Variants in CCDC13 observed in about 807,000 individuals in gnomAD.
CCDC13 encodes coiled-coil domain containing 13.
In CCDC13, 70 loss-of-function variants were observed where a neutral mutation model predicts 87.3. The observed-to-expected ratio is 0.80, with a 90% CI of 0.66 to 0.98. CCDC13 has a LOEUF of 0.98. CCDC13 is among the 50% of genes least tolerant of loss of function. The probability of loss-of-function intolerance (pLI) is 0.00; values close to 1 mark genes in which losing one functional copy is unlikely to be tolerated. For synonymous variants in CCDC13, 317 were observed against 360.3 expected (o/e 0.88, Z 1.36); for missense variants, 842 against 892.0 (o/e 0.94, Z 0.71).
chr3:42,707,752 G>A lies in CCDC13; in HGVS notation c.*1228C>T, dbSNP rs1698210527. On this transcript the variant is annotated 3_prime_UTR_variant, in exon 16 of 16. Coordinates refer to ENST00000310232, the MANE Select transcript of CCDC13 (RefSeq NM_144719.4). Reference sequence around the variant, plus strand: ...TGTCCATGAGTGTGCACACATGGAGGTGCCTGTGTGCACGTACAGTTGCAT... The same window carrying A: ...TGTCCATGAGTGTGCACACATGGAGATGCCTGTGTGCACGTACAGTTGCAT... Among the ~76,000 whole-genome samples the A allele has an allele frequency of 6.6e-6, 1 of 152,208 alleles. No individual in the cohort carries two copies. Among genetic ancestry groups the A allele is most frequent in the Admixed American group, 6.5e-5 (1 of 15,286 alleles).
rs1369146873 is a variant in CCDC13 at position 42,706,501 on chromosome 3, G to A, written c.*2479C>T. 6.6e-6 allele frequency: 1 copy of A among 152,292 alleles called. No homozygotes were observed. The highest frequency in any genetic ancestry group is 1.5e-5 in the Non-Finnish European group (1 of 68,062). 9.4% of individuals were successfully genotyped at this position (152,292 alleles called of 1,614,324 possible). A position where few individuals can be genotyped will look rare whatever the true frequency, so the allele number is the denominator to read the frequency against. On this transcript the variant is annotated 3_prime_UTR_variant, in exon 16 of 16. Coordinates refer to ENST00000310232, the MANE Select transcript of CCDC13 (RefSeq NM_144719.4). Reference sequence around the variant, plus strand: ...AGGGGTGGGGAGGTGCCCGGTGGTAGGTGCCAGCAGACATGACAGGCACTC... The same window carrying A: ...AGGGGTGGGGAGGTGCCCGGTGGTAAGTGCCAGCAGACATGACAGGCACTC...
At chr3:42,729,810 G>A (rs867519851) in intron 13 of CCDC13, among the ~76,000 whole-genome samples, 2 of 152,374 alleles carry the variant, frequency 1.3e-5, no homozygotes, top group Middle Eastern at 6.8e-3. Flanking sequence ...AGCCTTGACT[G>A]ATACATGATA....
chr3:42,742,778 T>C lies in CCDC13; in HGVS notation c.987+118A>G. 2.3e-6 allele frequency: 3 copies of C among 1,294,730 alleles called. No homozygotes were observed. The Admixed American group carries it at 6.2e-5, about 27-fold the overall frequency. The allele number at this position is 1,294,730 out of a possible 1,614,324, so 80.2% of individuals were successfully genotyped here. ...CAGAGGTGACCCAGGTCCCCAGGTG[T>C]CTCCTGCCTAGAAGGGGTGGCTCAG... On this transcript the variant is annotated intron_variant, in intron 8 of 15. Transcript: ENST00000310232.
chr3:42,742,812 C>G, intron 8 of CCDC13, 84 bp downstream of exon 8: 1 of 1,538,624 alleles, frequency 6.5e-7, no homozygotes, highest in Non-Finnish European at 8.9e-7. Flanking sequence ...AGACTTCTGA[C>G]CACATGTGCC....
intron 13 of CCDC13, among the ~76,000 whole-genome samples, chr3:42,717,010 C>T (rs1338242506): frequency 6.6e-6 from 1 of 152,220 alleles, no homozygotes; most frequent in Non-Finnish European, 1.5e-5. Flanking sequence ...GAAGTTCTGA[C>T]ATATGCTACC....
chr3:42,712,053 C>T (rs982990152), intron 14 of CCDC13, among the ~76,000 whole-genome samples: 1 of 152,166 alleles, frequency 6.6e-6, no homozygotes, highest in Non-Finnish European at 1.5e-5. Flanking sequence ...TTCTCAGAAG[C>T]TCCTGGCCCT....
Position 42,735,704 on chromosome 3 carries a change from C to G in CCDC13, c.1371+3G>C. On this transcript the variant is annotated splice_donor_region_variant and intron_variant, in intron 10 of 15. Coordinates refer to ENST00000310232, the MANE Select transcript of CCDC13 (RefSeq NM_144719.4). ...GTTTGGGCGCTGCCAGTGCCCTACT[C>G]ACGTGCACATTGAGTTGTCCGATCT... The G allele has an allele frequency of 1.2e-6, 2 of 1,614,014 alleles. No individual in the cohort carries two copies. Among genetic ancestry groups the G allele is most frequent in the East Asian group, 4.5e-5 (2 of 44,874 alleles).
chr3:42,717,196 C>T (rs531981156), intron 13 of CCDC13, among the ~76,000 whole-genome samples: 4 of 152,032 alleles, frequency 2.6e-5, no homozygotes, highest in Non-Finnish European at 4.4e-5. Flanking sequence ...GAGGCTGAAG[C>T]GGGTGGATCA....
intron 2 of CCDC13, among the ~76,000 whole-genome samples, chr3:42,757,503 C>T (rs1390052779): frequency 6.6e-6 from 1 of 152,168 alleles, no homozygotes; most frequent in African/African-American, 2.4e-5. Context: ...GAAGCCAAGG[C>T]AGGAGTTTGT....
At position 42,739,636 on chromosome 3, in the gene CCDC13, T is replaced by C. The variant is rs527761651; in HGVS notation, c.1162A>G (p.Met388Val). Reference sequence around the variant, plus strand: ...CTGCCTGAGTGGTGGGGCCATACCATGAGGGCGTCGATGAGCTCGTCATCA... The same window carrying C: ...CTGCCTGAGTGGTGGGGCCATACCACGAGGGCGTCGATGAGCTCGTCATCA... ...RHDDELIDAL[M>V]DQLKQLQEIL... Residue 388 changes from methionine to valine, a missense_variant and splice_region_variant, in exon 9 of 16, where the codon ATG becomes GTG. Transcript: ENST00000310232. 3 of 1,613,610 alleles carry C rather than the reference T, an allele frequency of 1.9e-6. No homozygotes were observed. The Admixed American group carries it at 5.0e-5, about 27-fold the overall frequency.
At chr3:42,733,880 G>A (rs1425739452) in intron 10 of CCDC13, among the ~76,000 whole-genome samples, 1 of 152,218 alleles carries the variant, frequency 6.6e-6, no homozygotes, top group Non-Finnish European at 1.5e-5. Context: ...GGAGGTGCAC[G>A]GCCCTGCATG....
At chr3:42,718,168 A>G (rs781734006) in intron 13 of CCDC13, 4 of 152,202 alleles carry the variant, frequency 2.6e-5, no homozygotes, top group African/African-American at 4.8e-5. Flanking sequence ...GGAGGTCAGC[A>G]CAAGATACAG....
intron 14 of CCDC13, among the ~76,000 whole-genome samples, chr3:42,710,780 G>A (rs555343740): frequency 5.3e-5 from 8 of 152,160 alleles, no homozygotes; most frequent in Admixed American, 4.6e-4. Context: ...CCTCTACAGG[G>A]GCTGGACTGA....
chr3:42,772,285 A>T lies in CCDC13; in HGVS notation c.-7+891T>A, dbSNP rs143066772. On this transcript the variant is annotated intron_variant, in intron 1 of 15. Transcript: ENST00000310232. ...ACTCCGTCAAAAAAAAAAAAAAAAA[A>T]AAAAAGTAATAATAAAAAAAATAAA... Among the ~76,000 whole-genome samples the T allele has an allele frequency of 4.8e-3, 114 of 23,590 alleles. 1 individual carries two copies. The highest frequency in any genetic ancestry group is 4.2e-3 in the Admixed American group (6 of 1,436). The allele number at this position is 23,590 out of a possible 152,430, so 15.5% of individuals were successfully genotyped here.
chr3:42,741,323 T>C (rs1229894244), intron 8 of CCDC13, among the ~76,000 whole-genome samples: 1 of 152,156 alleles, frequency 6.6e-6, no homozygotes, highest in Non-Finnish European at 1.5e-5. Context: ...GCAAAGATCT[T>C]TGGTCATGTC....
chr3:42,749,837 CCAAG>C (rs1266188565), intron 5 of CCDC13: 1 of 456,568 alleles, frequency 2.2e-6, no homozygotes, highest in South Asian at 1.5e-5. Flanking sequence ...TCCTGAAGCC[CCAAG>C]CAGAGGGAAG....
At chr3:42,738,989 G>C (rs1351861721) in intron 9 of CCDC13, among the ~76,000 whole-genome samples, 1 of 152,208 alleles carries the variant, frequency 6.6e-6, no homozygotes, top group Non-Finnish European at 1.5e-5. Context: ...TCCTGTGCTG[G>C]TTTTCAAAGG....
chr3:42,746,409 A>G, intron 6 of CCDC13: 1 of 216,916 alleles, frequency 4.6e-6, no homozygotes, highest in South Asian at 8.5e-5. Context: ...ACATCACCAC[A>G]GGACCCTAGC....
chr3:42,705,563 T>C (rs1033859627), downstream of CCDC13, among the ~76,000 whole-genome samples: 3 of 152,150 alleles, frequency 2.0e-5, no homozygotes, highest in African/African-American at 7.2e-5. Context: ...CACTTAACTC[T>C]TTACTTGCCC....
Sources: allele counts gnomAD v4.1 joint callset (sites outside exome capture counted in the v4.1 genomes callset), GRCh38; gene constraint gnomAD v4.1.1; transcripts MANE v1.5; gene names NCBI Gene and HGNC (gene_info 2026-07-23, HGNC 2026-07-21).